ANK2: variants seen among roughly 807,000 people sequenced by gnomAD.
The protein encoded by ANK2 is ankyrin-2.
In ANK2, 83 loss-of-function variants were observed where a neutral mutation model predicts 360.5. That is an observed-to-expected ratio of 0.23 (90% CI 0.19 to 0.28). The LOEUF (loss-of-function observed/expected upper bound fraction) is 0.28. ANK2 is among the 10% of genes least tolerant of loss of function. The probability of loss-of-function intolerance (pLI) is 1.00; values close to 1 mark genes in which losing one functional copy is unlikely to be tolerated. For synonymous variants in ANK2, 1,740 were observed against 1,759.5 expected (o/e 0.99, Z 0.28); for missense variants, 4,201 against 4,795.7 (o/e 0.88, Z 3.66).
chr4:113,048,960 A>G (rs2065764626), upstream of ANK2, among the ~76,000 whole-genome samples: 1 of 120,272 alleles, frequency 8.3e-6, no homozygotes, highest in Non-Finnish European at 1.8e-5. Context: ...ACACACACAC[A>G]CACACTCCTG....
Position 113,245,807 on chromosome 4 carries a change from A to AT in ANK2, c.891+3611dup, listed in dbSNP as rs913920079. ...TATAATAAAGCTTCTACATATGAAA[A>AT]TTTTTTTTTTTTTGAGACGGAGTTT... is the stretch of plus-strand genomic sequence containing the variant. On this transcript the variant is annotated intron_variant, in intron 9 of 45. Transcript: ENST00000357077. Among the ~76,000 whole-genome samples the AT allele has an allele frequency of 6.0e-3, 878 of 147,054 alleles. 12 individuals carry two copies. The highest frequency in any genetic ancestry group is 0.019 in the African/African-American group (771 of 40,434).
intron 1 of ANK2, among the ~76,000 whole-genome samples, chr4:112,851,710 AC>A (rs984560886): frequency 6.7e-6 from 1 of 149,928 alleles, no homozygotes; most frequent in Non-Finnish European, 1.5e-5. Flanking sequence ...TGCAACTTCC[AC>A]CCCCCAGGTT....
chr4:113,311,548 T>G, intron 24 of ANK2, 149 bp downstream of exon 24: 2 of 1,097,506 alleles, frequency 1.8e-6, no homozygotes, highest in Non-Finnish European at 1.3e-6. Flanking sequence ...TTCCATTGTC[T>G]AACAACTTTA....
At chr4:112,789,057 A>C in the ANK2 span, among the ~76,000 whole-genome samples, 3 of 152,134 alleles carry the variant, frequency 2.0e-5, no homozygotes, top group African/African-American at 4.8e-5. Flanking sequence ...CCTCCATCTT[A>C]AAAAAATCAC....
the ANK2 span, among the ~76,000 whole-genome samples, chr4:112,762,436 T>A: frequency 6.6e-6 from 1 of 152,222 alleles, no homozygotes; most frequent in African/African-American, 2.4e-5. Flanking sequence ...TTGAAACATT[T>A]AGTGACAATG....
intron 23 of ANK2, among the ~76,000 whole-genome samples, chr4:113,308,962 A>G (rs1373161044): frequency 6.6e-6 from 1 of 152,196 alleles, no homozygotes; most frequent in Non-Finnish European, 1.5e-5. Flanking sequence ...GGAAGCAAGA[A>G]TATGAGTGTT....
chr4:113,079,946 T>C (rs2882846), intron 1 of ANK2, among the ~76,000 whole-genome samples: 52,693 of 148,950 alleles, frequency 0.35, 11,307 homozygotes, highest in Non-Finnish European at 0.47. Context: ...TTGCCCAGGC[T>C]GGAGTGTGGT....
intron 4 of ANK2, among the ~76,000 whole-genome samples, chr4:113,205,819 G>C (rs2098939096): frequency 6.6e-6 from 1 of 152,242 alleles, no homozygotes; most frequent in Admixed American, 6.5e-5. Flanking sequence ...ACACACAGTT[G>C]GTCAGCATGC....
At chr4:113,206,076 C>G (rs2098943379) in intron 4 of ANK2, among the ~76,000 whole-genome samples, 1 of 151,914 alleles carries the variant, frequency 6.6e-6, no homozygotes, top group African/African-American at 2.4e-5. Context: ...CTTTTTTCCT[C>G]TTTTTTAAAA....
intron 2 of ANK2, among the ~76,000 whole-genome samples, chr4:113,002,534 GGGGGACATCACACTCT>G (rs2051156867): frequency 6.6e-6 from 1 of 152,028 alleles, no homozygotes; most frequent in African/African-American, 2.4e-5. Flanking sequence ...GACACAGGAA[GGGGGACATCACACTCT>G]GGGGACTGTT....
Position 113,359,134 on chromosome 4 carries a change from G to C in ANK2, c.10516G>C (p.Glu3506Gln). The C allele has an allele frequency of 6.2e-7, 1 of 1,614,048 alleles. No individual in the cohort carries two copies. The highest frequency in any genetic ancestry group is 8.5e-7 in the Non-Finnish European group (1 of 1,179,938). The change falls in exon 38 of 46, where the codon GAA becomes CAA. Residue 3506 changes from glutamate to glutamine, a missense_variant. Physicochemically the swap from Glu to Gln is conservative, Grantham distance 29. Coordinates refer to ENST00000357077, the MANE Select transcript of ANK2 (RefSeq NM_001148.6). Reference protein sequence around the residue: ...EREQEIVSDDESSSALEVSVI... With the variant: ...EREQEIVSDDQSSSALEVSVI... ...GGAGCAGGAAATAGTTTCAGACGAT[G>C]AAAGTAGTAGTGCCCTGGAAGTATC...
At chr4:113,008,073 A>G (rs887933462) in intron 2 of ANK2, among the ~76,000 whole-genome samples, 2 of 151,610 alleles carry the variant, frequency 1.3e-5, no homozygotes, top group Admixed American at 6.6e-5. Context: ...TACCTGGAAA[A>G]AGTGGTACCT....
intron 1 of ANK2, among the ~76,000 whole-genome samples, chr4:113,054,330 C>CAG (rs1457878390): frequency 6.6e-6 from 1 of 151,812 alleles, no homozygotes; most frequent in Non-Finnish European, 1.5e-5. Context: ...GGTACACACA[C>CAG]ACACACACAC....
At chr4:112,754,364 C>T in the ANK2 span, among the ~76,000 whole-genome samples, 2 of 151,468 alleles carry the variant, frequency 1.3e-5, no homozygotes, top group South Asian at 4.2e-4. Context: ...ATATTTGCAC[C>T]GGATGATTTC....
At chr4:113,196,568 C>T in intron 3 of ANK2, 102 bp downstream of exon 3, 1 of 1,079,716 alleles carries the variant, frequency 9.3e-7, no homozygotes, top group Non-Finnish European at 1.4e-6. Flanking sequence ...CTTTCTGTTG[C>T]CCAGGAAGTA....
chr4:113,207,863 G>A (rs185009784), intron 4 of ANK2, among the ~76,000 whole-genome samples: 60 of 152,178 alleles, frequency 3.9e-4, no homozygotes, highest in African/African-American at 7.2e-5. Flanking sequence ...GGGGGCATGC[G>A]GAAGAAGACC....
At chr4:112,775,545 A>ACACACACACACACACACACACACACACAC in the ANK2 span, among the ~76,000 whole-genome samples, 10 of 150,898 alleles carry the variant, frequency 6.6e-5, no homozygotes, top group Admixed American at 1.3e-4. Flanking sequence ...ACACACACAC[A>ACACACACACACACACACACACACACACAC]AGAAAAAAAA....
chr4:113,265,661 T>C (rs1472025850), intron 14 of ANK2, among the ~76,000 whole-genome samples: 1 of 152,196 alleles, frequency 6.6e-6, no homozygotes, highest in Non-Finnish European at 1.5e-5. Context: ...TACTTTCCAA[T>C]TTATTTTCTC....
At chr4:112,976,139 A>C (rs1210781885) in intron 2 of ANK2, among the ~76,000 whole-genome samples, 2 of 152,036 alleles carry the variant, frequency 1.3e-5, no homozygotes, top group Non-Finnish European at 2.9e-5. Context: ...TCAGTGACAA[A>C]GCAGCTTAGG....
Sources: allele counts gnomAD v4.1 joint callset (sites outside exome capture counted in the v4.1 genomes callset), GRCh38; gene constraint gnomAD v4.1.1; transcripts MANE v1.5; gene names NCBI Gene and HGNC (gene_info 2026-07-23, HGNC 2026-07-21).